BCL2L13: variants seen among roughly 807,000 people sequenced by gnomAD.
The protein encoded by BCL2L13 is BCL2 like 13.
In BCL2L13, 13 loss-of-function variants were observed where a neutral mutation model predicts 25.8. The ratio of observed to expected loss-of-function variants is 0.50; its 90% confidence interval spans 0.33 to 0.80. BCL2L13 has a LOEUF of 0.80. BCL2L13 is among the 30% of genes least tolerant of loss of function. The pLI, the probability that BCL2L13 is intolerant of heterozygous loss-of-function variation, is 0.02. For synonymous variants in BCL2L13, 244 were observed against 230.3 expected, an observed-to-expected ratio of 1.06 and a Z score of -0.54; for missense variants, 504 against 574.9, an observed-to-expected ratio of 0.88 and a Z score of 1.26.
At chr22:17,673,929 ACT>A (rs1236961874) in intron 2 of BCL2L13, among the ~76,000 whole-genome samples, 1 of 151,860 alleles carries the variant, frequency 6.6e-6, no homozygotes, top group African/African-American at 2.4e-5. Flanking sequence ...TTACGTTGTA[ACT>A]CTAAGTTTTT....
At chr22:17,669,071 C>T (rs1601591440) in intron 2 of BCL2L13, among the ~76,000 whole-genome samples, 2 of 122,990 alleles carry the variant, frequency 1.6e-5, no homozygotes, top group African/African-American at 6.2e-5. Flanking sequence ...CTCGCTCTGT[C>T]GCCCAGGCTG....
intron 6 of BCL2L13, among the ~76,000 whole-genome samples, chr22:17,723,662 C>T (rs554667640): frequency 8.5e-5 from 13 of 152,268 alleles, no homozygotes; most frequent in Admixed American, 7.2e-4. Flanking sequence ...GGGCCGGGCG[C>T]GGTGTCTCAC....
chr22:17,664,671 A>G (rs1396480917), intron 2 of BCL2L13, among the ~76,000 whole-genome samples: 1 of 152,236 alleles, frequency 6.6e-6, no homozygotes, highest in East Asian at 1.9e-4. Context: ...ACATCCAGGC[A>G]TTTCCATACA....
At chr22:17,698,241 A>G (rs2060324160) in intron 5 of BCL2L13, among the ~76,000 whole-genome samples, 3 of 151,642 alleles carry the variant, frequency 2.0e-5, no homozygotes, top group African/African-American at 7.3e-5. Context: ...CAACCTCCCA[A>G]GTAGCTGGGC....
At chr22:17,650,264 T>G (rs147190313) in intron 1 of BCL2L13, among the ~76,000 whole-genome samples, 1 of 152,314 alleles carries the variant, frequency 6.6e-6, no homozygotes, top group African/African-American at 2.4e-5. Context: ...CTTCTGTGAT[T>G]ACAGTCTTTC....
chr22:17,690,372 C>T (rs1183386700), intron 4 of BCL2L13, among the ~76,000 whole-genome samples: 2 of 152,066 alleles, frequency 1.3e-5, no homozygotes, highest in East Asian at 1.9e-4. Flanking sequence ...AAGTATATAT[C>T]GATTACCGTT....
At chr22:17,668,165 G>A (rs1217494336) in intron 2 of BCL2L13, among the ~76,000 whole-genome samples, 3 of 149,538 alleles carry the variant, frequency 2.0e-5, no homozygotes, top group South Asian at 2.1e-4. Flanking sequence ...CGCACACCAC[G>A]ATGCCAGGCT....
chr22:17,671,914 A>G (rs1439062646), intron 2 of BCL2L13, among the ~76,000 whole-genome samples: 3 of 152,172 alleles, frequency 2.0e-5, no homozygotes, highest in African/African-American at 7.2e-5. Context: ...TCATTTCACC[A>G]TGTTGGCCAG....
At chr22:17,705,746 C>T (rs998185232) in intron 6 of BCL2L13, among the ~76,000 whole-genome samples, 2 of 152,078 alleles carry the variant, frequency 1.3e-5, no homozygotes, top group Non-Finnish European at 2.9e-5. Context: ...CACATGATAT[C>T]GCATGTCTGT....
chr22:17,668,658 G>C (rs928083851), intron 2 of BCL2L13, among the ~76,000 whole-genome samples: 3 of 151,882 alleles, frequency 2.0e-5, no homozygotes, highest in African/African-American at 7.3e-5. Context: ...GTAGAGATGG[G>C]GTTTCACCAT....
chr22:17,680,487 C>A (rs1307535117), intron 2 of BCL2L13, among the ~76,000 whole-genome samples: 1 of 128,242 alleles, frequency 7.8e-6, no homozygotes, highest in Non-Finnish European at 1.5e-5. Flanking sequence ...GCACTCCAGC[C>A]TGGGAGAGAG....
At chr22:17,657,010 G>A (rs756305283) in intron 2 of BCL2L13, among the ~76,000 whole-genome samples, 43 of 152,032 alleles carry the variant, frequency 2.8e-4, no homozygotes, top group Non-Finnish European at 5.3e-4. Flanking sequence ...GTAGAGACGG[G>A]GTTTCACCCT....
upstream of BCL2L13, among the ~76,000 whole-genome samples, chr22:17,634,035 G>A (rs888975072): frequency 2.0e-5 from 3 of 151,952 alleles, no homozygotes; most frequent in Non-Finnish European, 4.4e-5. Flanking sequence ...TGCTTGAGAA[G>A]TTATTTTCCT....
chr22:17,645,370 C>T (rs1207260958), intron 1 of BCL2L13, among the ~76,000 whole-genome samples: 1 of 150,240 alleles, frequency 6.7e-6, no homozygotes, highest in Non-Finnish European at 1.5e-5. Flanking sequence ...TACAGGCACA[C>T]ACCATCACGC....
chr22:17,664,422 C>CG (rs2059171893), intron 2 of BCL2L13, among the ~76,000 whole-genome samples: 1 of 152,182 alleles, frequency 6.6e-6, no homozygotes, highest in African/African-American at 2.4e-5. Context: ...GCCACCCCCC[C>CG]CCGGCTCCTT....
At chr22:17,657,588 T>G (rs2058917350) in intron 2 of BCL2L13, among the ~76,000 whole-genome samples, 1 of 152,070 alleles carries the variant, frequency 6.6e-6, no homozygotes, top group Admixed American at 6.6e-5. Flanking sequence ...TCTCGGCTAC[T>G]GCAACCTCCG....
chr22:17,650,493 G>A (rs922892799), intron 1 of BCL2L13, among the ~76,000 whole-genome samples: 2 of 151,984 alleles, frequency 1.3e-5, no homozygotes, highest in African/African-American at 2.4e-5. Context: ...ATTGGCGGTG[G>A]GAGGCACGTT....
chr22:17,650,033 G>T (rs1281652461), intron 1 of BCL2L13, among the ~76,000 whole-genome samples: 1 of 150,664 alleles, frequency 6.6e-6, no homozygotes, highest in South Asian at 2.1e-4. Flanking sequence ...ATCATGCCCA[G>T]CTAATTTTCA....
At chr22:17,630,172 G>A (rs1401698378) in intron 1 of BCL2L13, among the ~76,000 whole-genome samples, 4 of 147,726 alleles carry the variant, frequency 2.7e-5, no homozygotes, top group Non-Finnish European at 4.4e-5. Flanking sequence ...AGCCAAGATC[G>A]TGCCACTGCA....
Sources: gnomAD v4.1 joint callset for allele counts (sites outside exome capture counted in the v4.1 genomes callset) on GRCh38, gnomAD v4.1.1 for gene constraint, MANE v1.5 for transcripts, NCBI Gene and HGNC (gene_info 2026-07-23, HGNC 2026-07-21) for gene names.